The following ACY1 variants were observed in gnomAD, a reference collection of about 807,000 sequenced individuals.
The protein encoded by ACY1 is aminoacylase 1.
In ACY1, 38 loss-of-function variants were observed where a neutral mutation model predicts 53.3. The observed-to-expected ratio is 0.71, with a 90% confidence interval of 0.55 to 0.93. ACY1 has a LOEUF of 0.93. ACY1 is among the 40% of genes least tolerant of loss of function. ACY1 has a pLI of 0.00. For synonymous variants in ACY1, 177 were observed against 202.1 expected (o/e 0.88, Z 1.05); for missense variants, 484 against 540.9 (o/e 0.89, Z 1.04).
In ACY1 at chr3:51,988,832, C is replaced by T; in HGVS notation, c.1062+6C>T. 1 of 1,614,218 alleles carries T rather than the reference C, an allele frequency of 6.2e-7. No homozygotes were observed. The highest frequency in any genetic ancestry group is 8.5e-7 in the Non-Finnish European group (1 of 1,180,034). ...ACAACCGCTATATCCGCGCGGTGAG[C>T]CACTTGCATATAGTGCCTGGGCAGT... On this transcript the variant is annotated splice_donor_region_variant and intron_variant, in intron 14 of 14. Coordinates refer to ENST00000636358, the MANE Select transcript of ACY1 (RefSeq NM_000666.3).
intron 1 of ACY1, 70 bp downstream of exon 1, chr3:51,983,659 T>G: frequency 1.5e-5 from 4 of 271,656 alleles, no homozygotes; most frequent in Non-Finnish European, 2.2e-5. Flanking sequence ...TGGGAGGCGT[T>G]GGGGTTTTTC....
intron 12 of ACY1, 64 bp downstream of exon 12, chr3:51,987,688 TG>T: frequency 6.6e-7 from 1 of 1,524,008 alleles, no homozygotes; most frequent in Non-Finnish European, 9.0e-7. Flanking sequence ...TGTGCAACAG[TG>T]GAGTGTGTGC....
chr3:51,984,061 C>T lies in ACY1; in HGVS notation c.-4C>T. On this transcript the variant is annotated 5_prime_UTR_variant, in exon 2 of 15. Coordinates refer to ENST00000636358, the MANE Select transcript of ACY1 (RefSeq NM_000666.3). ...TTTGCCCCCAGCTCACCACGCGCAGCGCCATGACCAGCAAGGGTCCCGAGG... is the reference window on the plus strand; with the variant it reads ...TTTGCCCCCAGCTCACCACGCGCAGTGCCATGACCAGCAAGGGTCCCGAGG... 2 of 1,613,180 alleles carry T rather than the reference C, an allele frequency of 1.2e-6. No individual in the cohort carries two copies.
chr3:51,985,688 G>A (rs1290892909), intron 4 of ACY1, among the ~76,000 whole-genome samples, 164 bp from the exon 5 acceptor site: 1 of 152,136 alleles, frequency 6.6e-6, no homozygotes, highest in Non-Finnish European at 1.5e-5. Context: ...ACAGCAATGG[G>A]GGATGGCAAT....
rs199526655 is a variant in ACY1, at chr3:51,988,535, C to A, written c.933C>A (p.His311Gln). 8.1e-6 allele frequency: 13 copies of A among 1,614,058 alleles called. No individual in the cohort carries two copies. The highest frequency in any genetic ancestry group is 1.6e-4 in the Middle Eastern group (1 of 6,062). The change falls in exon 13 of 15, where the codon CAC becomes CAA. Residue 311 changes from histidine (H) to glutamine (Q), a missense_variant. By Grantham distance (24) the His-to-Gln change is conservative (BLOSUM62 0). Coordinates refer to ENST00000636358, the MANE Select transcript of ACY1 (RefSeq NM_000666.3). ...VTLEFAQKWM[H>Q]PQVTPTDDSN... is the part of the protein sequence containing the mutation. Reference sequence around the variant, plus strand: ...TTCCTGTCCCTCAGAAGTGGATGCACCCCCAAGTGACACCTACTGATGACT... The same window carrying A: ...TTCCTGTCCCTCAGAAGTGGATGCAACCCCAAGTGACACCTACTGATGACT...
At chr3:51,987,109 C>A (rs759194658) in intron 9 of ACY1, 38 bp from the exon 10 acceptor site, 1 of 1,614,146 alleles carries the variant, frequency 6.2e-7, no homozygotes, top group East Asian at 2.2e-5. Flanking sequence ...AGGCTCTATC[C>A]TGAGGCCACT....
chr3:51,987,883 C>G, intron 12 of ACY1: 1 of 471,960 alleles, frequency 2.1e-6, no homozygotes, highest in Non-Finnish European at 3.8e-6. Context: ...TGTGATATTA[C>G]TTTTTTCTGA....
rs1206719417 is a variant in ACY1 at position 51,983,597 on chromosome 3, C to T, written c.-19+8C>T. On this transcript the variant is annotated splice_region_variant and intron_variant, in intron 1 of 14. Coordinates refer to ENST00000636358, the MANE Select transcript of ACY1 (RefSeq NM_000666.3). ...CAGCGACAGGAGAGTGAGGTGGGGG[C>T]CCTGGGGAGGGATAGAGGGACTGGG... 8.6e-6 allele frequency: 2 copies of T among 231,288 alleles called. No homozygotes were observed. The highest frequency in any genetic ancestry group is 2.4e-4 in the East Asian group (2 of 8,392). The allele number at this position is 231,288 out of a possible 1,614,324, so 14.3% of individuals were successfully genotyped here. A position where few individuals can be genotyped will look rare whatever the true frequency, so the allele number is the denominator to read the frequency against.
chr3:51,985,935 C>A lies in ACY1; in HGVS notation c.348C>A (p.Cys116Ter), dbSNP rs199990594. 7 of 1,611,496 alleles carry A rather than the reference C, an allele frequency of 4.3e-6. No individual in the cohort carries two copies. In the East Asian group the frequency reaches 1.3e-4, roughly 31 times the overall value. ...IYARGAQDMK[C>*]VSIQYLEAVR... Reference sequence around the variant, plus strand: ...CCAGGGGTGCCCAGGACATGAAGTGCGTCAGCATCCAGTGAGTGTCCTCCA... The same window carrying A: ...CCAGGGGTGCCCAGGACATGAAGTGAGTCAGCATCCAGTGAGTGTCCTCCA... Residue 116 changes from cysteine (C) to a stop codon, truncating the protein, a stop_gained, in exon 5 of 15, where the codon TGC becomes TGA. Transcript: ENST00000636358. LOFTEE classifies it high-confidence loss of function.
chr3:51,984,769 C>T (rs1013120775), intron 2 of ACY1: 4 of 254,302 alleles, frequency 1.6e-5, no homozygotes, highest in Admixed American at 1.1e-4. Context: ...GAGCCGAGAT[C>T]GCACCACTTC....
rs765848491 is a variant in ACY1 at position 51,985,404 on chromosome 3, C to T, written c.203C>T (p.Thr68Ile). ...YVVTVLTWPG[T>I]NPTLSSILLN... Reference sequence around the variant, plus strand: ...GTGACCGTGTTGACCTGGCCAGGCACCAACCCTACACTCTCCTCCATCTTG... The same window carrying T: ...GTGACCGTGTTGACCTGGCCAGGCATCAACCCTACACTCTCCTCCATCTTG... Residue 68 changes from threonine (T) to isoleucine (I), a missense_variant, in exon 4 of 15, where the codon ACC becomes ATC. By Grantham distance (89) the Thr-to-Ile change is moderately conservative. Coordinates refer to ENST00000636358, the MANE Select transcript of ACY1 (RefSeq NM_000666.3). 22 of 1,614,156 alleles carry T rather than the reference C, an allele frequency of 1.4e-5. No homozygotes were observed. In the South Asian group the frequency reaches 2.4e-4, roughly 18 times the overall value.
rs369735251 is a variant in ACY1 at position 51,987,391 on chromosome 3, G to C, written c.790G>C (p.Val264Leu). 9.3e-6 allele frequency: 15 copies of C among 1,614,176 alleles called. No individual in the cohort carries two copies. Among genetic ancestry groups the C allele is most frequent in the Non-Finnish European group, 1.3e-5 (15 of 1,180,044 alleles). Residue 264 changes from valine (V) to leucine (L), a missense_variant, in exon 11 of 15, where the codon GTG becomes CTG. By Grantham distance (32) the Val-to-Leu change is conservative. Transcript: ENST00000636358. Reference protein sequence around the residue: ...TKLEGGVAYNVIPATMSASFD... With the variant: ...TKLEGGVAYNLIPATMSASFD... ...GCTAGAGGGTGGCGTGGCCTATAAC[G>C]TGATACCTGCCACCATGAGCGCCAG...
Position 51,988,536 on chromosome 3 carries a change from C to T in ACY1, c.934C>T (p.Pro312Ser), listed in dbSNP as rs770876446. 1.2e-6 allele frequency: 2 copies of T among 1,614,128 alleles called. No homozygotes were observed. The highest frequency in any genetic ancestry group is 2.2e-5 in the South Asian group (2 of 91,078). ...TLEFAQKWMH[P>S]QVTPTDDSNP... is the part of the protein sequence containing the mutation. Reference sequence around the variant, plus strand: ...TCCTGTCCCTCAGAAGTGGATGCACCCCCAAGTGACACCTACTGATGACTC... The same window carrying T: ...TCCTGTCCCTCAGAAGTGGATGCACTCCCAAGTGACACCTACTGATGACTC... The change falls in exon 13 of 15, where the codon CCC (proline) becomes TCC (serine). Residue 312 changes from proline to serine, a missense_variant. Transcript: ENST00000636358.
chr3:51,984,189 C>T (rs773286498), intron 2 of ACY1, 31 bp downstream of exon 2: 15 of 1,602,470 alleles, frequency 9.4e-6, no homozygotes, highest in South Asian at 3.3e-5. Context: ...GAGCCTGTGA[C>T]GGGGCCTAAG....
At chr3:51,984,328 G>C in intron 2 of ACY1, 170 bp downstream of exon 2, 1 of 686,392 alleles carries the variant, frequency 1.5e-6, no homozygotes, top group Admixed American at 2.1e-5. Flanking sequence ...AGCCCCTCCA[G>C]GTTAGGGAGG....
In ACY1 at chr3:51,988,566, C is replaced by A; in HGVS notation, c.964C>A (p.Pro322Thr). Residue 322 changes from proline (P) to threonine (T), a missense_variant, in exon 13 of 15, where the codon CCT becomes ACT. Physicochemically the swap from Pro to Thr is conservative, Grantham distance 38. Coordinates refer to ENST00000636358, the MANE Select transcript of ACY1 (RefSeq NM_000666.3). ...PQVTPTDDSNPWWAAFSRVCK... is the reference protein window; with the variant it reads ...PQVTPTDDSNTWWAAFSRVCK... Reference sequence around the variant, plus strand: ...AGTGACACCTACTGATGACTCAAACCCTTGGTGGGCAGCTTTTAGCCGGGT... The same window carrying A: ...AGTGACACCTACTGATGACTCAAACACTTGGTGGGCAGCTTTTAGCCGGGT... 6.2e-7 allele frequency: 1 copy of A among 1,614,152 alleles called. No individual in the cohort carries two copies. Among genetic ancestry groups the A allele is most frequent in the South Asian group, 1.1e-5 (1 of 91,074 alleles).
In ACY1 at chr3:51,985,392, C is replaced by G; in HGVS notation, c.191C>G (p.Thr64Ser). The G allele has an allele frequency of 1.2e-6, 2 of 1,614,132 alleles. No individual in the cohort carries two copies. The highest frequency in any genetic ancestry group is 3.3e-5 in the Admixed American group (2 of 60,024). Reference sequence around the variant, plus strand: ...CCTGGCTATGTGGTGACCGTGTTGACCTGGCCAGGCACCAACCCTACACTC... The same window carrying G: ...CCTGGCTATGTGGTGACCGTGTTGAGCTGGCCAGGCACCAACCCTACACTC... ...VAPGYVVTVL[T>S]WPGTNPTLSS... The change falls in exon 4 of 15, where the codon ACC (threonine) becomes AGC (serine). Residue 64 changes from threonine to serine, a missense_variant. Physicochemically the swap from Thr to Ser is moderately conservative, Grantham distance 58. Coordinates refer to ENST00000636358, the MANE Select transcript of ACY1 (RefSeq NM_000666.3).
At chr3:51,983,683 GTTT>G (rs1474630218) in intron 1 of ACY1, 94 bp downstream of exon 1, 35 of 291,528 alleles carry the variant, frequency 1.2e-4, no homozygotes, top group African/African-American at 7.6e-4. Flanking sequence ...TTTGTTTTTT[GTTT>G]TTGTTTTTGC....
intron 4 of ACY1, 72 bp downstream of exon 4, chr3:51,985,537 C>T (rs894200501): frequency 6.8e-7 from 1 of 1,461,406 alleles, no homozygotes; most frequent in African/African-American, 1.4e-5. Context: ...CAGGATTCAA[C>T]CTCAAGTTGC....
Sources: allele counts gnomAD v4.1 joint callset (sites outside exome capture counted in the v4.1 genomes callset), GRCh38; gene constraint gnomAD v4.1.1; transcripts MANE v1.5; gene names NCBI Gene and HGNC (gene_info 2026-07-23, HGNC 2026-07-21).